Variants in SGCZ observed in about 807,000 individuals in gnomAD.
SGCZ encodes the protein sarcoglycan zeta.
In SGCZ, 40 loss-of-function variants were observed where a neutral mutation model predicts 41.3. That is an observed-to-expected ratio of 0.97 (90% CI 0.75 to 1.26). The LOEUF (loss-of-function observed/expected upper bound fraction) is 1.26. Among genes scored for constraint, SGCZ ranks in the 50% most tolerant of loss-of-function variants. The pLI is 0.00. For synonymous variants in SGCZ, 206 were observed against 137.5 expected (o/e 1.50, Z -3.49); for missense variants, 552 against 369.8 (o/e 1.49, Z -4.04).
intron 2 of SGCZ, among the ~76,000 whole-genome samples, chr8:14,457,796 G>A (rs1800791075): frequency 6.6e-6 from 1 of 152,168 alleles, no homozygotes; most frequent in Non-Finnish European, 1.5e-5. Flanking sequence ...AATTGGAGGT[G>A]ACTCACATTT....
chr8:15,019,114 C>G (rs1041003369), intron 1 of SGCZ, among the ~76,000 whole-genome samples: 1 of 152,208 alleles, frequency 6.6e-6, no homozygotes, highest in Non-Finnish European at 1.5e-5. Flanking sequence ...GCAAGTCCCT[C>G]TCTCAACATG....
At chr8:15,220,471 T>C (rs148392965) in intron 1 of SGCZ, among the ~76,000 whole-genome samples, 1 of 152,116 alleles carries the variant, frequency 6.6e-6, no homozygotes, top group Non-Finnish European at 1.5e-5. Context: ...TTCTAACTGC[T>C]TGGGCAATTC....
chr8:14,866,154 A>G (rs573981868), intron 1 of SGCZ, among the ~76,000 whole-genome samples: 1 of 152,282 alleles, frequency 6.6e-6, no homozygotes, highest in Non-Finnish European at 1.5e-5. Flanking sequence ...GCAAAAAGCA[A>G]TAACAAGTTT....
Position 14,089,445 on chromosome 8 carries a change from G to C in SGCZ, c.*998C>G, listed in dbSNP as rs561203226. On this transcript the variant is annotated 3_prime_UTR_variant, in exon 8 of 8. Coordinates refer to ENST00000382080, the MANE Select transcript of SGCZ (RefSeq NM_139167.4). ...CCAATGGAAAGAGAATTTATTCTCAGCATTATGCATCATATTAGTATTATT... is the reference window on the plus strand; with the variant it reads ...CCAATGGAAAGAGAATTTATTCTCACCATTATGCATCATATTAGTATTATT... Among the ~76,000 whole-genome samples the C allele has an allele frequency of 6.6e-6, 1 of 151,960 alleles. No homozygotes were observed. The highest frequency in any genetic ancestry group is 1.5e-5 in the Non-Finnish European group (1 of 67,936).
At chr8:14,537,334 T>C (rs1371742304) in intron 2 of SGCZ, among the ~76,000 whole-genome samples, 1 of 151,926 alleles carries the variant, frequency 6.6e-6, no homozygotes, top group African/African-American at 2.4e-5. Context: ...TCTGTCTAAA[T>C]ATGACAACCA....
At chr8:14,777,390 C>T (rs1187912636) in intron 1 of SGCZ, among the ~76,000 whole-genome samples, 1 of 152,078 alleles carries the variant, frequency 6.6e-6, no homozygotes, top group Non-Finnish European at 1.5e-5. Flanking sequence ...TTTCTATACA[C>T]TTCAGGTGGG....
At chr8:14,274,252 G>A (rs1388317428) in intron 3 of SGCZ, among the ~76,000 whole-genome samples, 1 of 152,016 alleles carries the variant, frequency 6.6e-6, no homozygotes, top group Non-Finnish European at 1.5e-5. Flanking sequence ...CTTAACAGAA[G>A]GCATATTCTG....
chr8:14,315,124 C>T (rs985940815), intron 3 of SGCZ, among the ~76,000 whole-genome samples: 1 of 152,126 alleles, frequency 6.6e-6, no homozygotes, highest in Non-Finnish European at 1.5e-5. Context: ...GGTTTGAATT[C>T]TGGCTCACCT....
chr8:14,784,913 A>AAAAAAAAAAAAAAAAAATATAT (rs1408574493), intron 1 of SGCZ, among the ~76,000 whole-genome samples: 1 of 88,038 alleles, frequency 1.1e-5, no homozygotes, highest in African/African-American at 4.7e-5. Flanking sequence ...AAAAAAAAAA[A>AAAAAAAAAAAAAAAAAATATAT]ATATATATAT....
chr8:15,126,905 AG>A (rs1563139854), intron 1 of SGCZ, among the ~76,000 whole-genome samples: 1 of 152,160 alleles, frequency 6.6e-6, no homozygotes, highest in Non-Finnish European at 1.5e-5. Context: ...GACTGAGACC[AG>A]GGGGAAGAGA....
At chr8:14,704,030 C>T (rs892269318) in intron 1 of SGCZ, among the ~76,000 whole-genome samples, 6 of 151,962 alleles carry the variant, frequency 3.9e-5, no homozygotes, top group Non-Finnish European at 8.8e-5. Flanking sequence ...AATTAGCCCA[C>T]ATAGCCTCTC....
chr8:14,353,162 G>C (rs753992261), intron 2 of SGCZ, among the ~76,000 whole-genome samples: 8 of 148,216 alleles, frequency 5.4e-5, no homozygotes, highest in Non-Finnish European at 1.0e-4. Context: ...TTCTTCATTT[G>C]CAAAATACCA....
chr8:14,838,037 C>A (rs183773549), intron 1 of SGCZ, among the ~76,000 whole-genome samples: 136 of 152,186 alleles, frequency 8.9e-4, no homozygotes, highest in Non-Finnish European at 1.7e-3. Context: ...CTATCATTTG[C>A]CACGACGTGG....
chr8:15,051,554 G>C (rs887717989), intron 1 of SGCZ, among the ~76,000 whole-genome samples: 7 of 152,048 alleles, frequency 4.6e-5, no homozygotes, highest in Non-Finnish European at 1.0e-4. Context: ...GAGTGCTAGG[G>C]TAGGTGTATG....
At chr8:14,282,503 C>T (rs954843687) in intron 3 of SGCZ, among the ~76,000 whole-genome samples, 1 of 152,140 alleles carries the variant, frequency 6.6e-6, no homozygotes, top group Admixed American at 6.5e-5. Context: ...CTCTCTTCCT[C>T]AGCACCCCTA....
At chr8:14,297,266 A>G (rs1801045183) in intron 3 of SGCZ, among the ~76,000 whole-genome samples, 2 of 152,154 alleles carry the variant, frequency 1.3e-5, no homozygotes, top group Admixed American at 6.6e-5. Context: ...GGATATAGAT[A>G]TAGAAAGCTA....
chr8:14,898,417 C>T (rs375504702), intron 1 of SGCZ, among the ~76,000 whole-genome samples: 26 of 152,242 alleles, frequency 1.7e-4, no homozygotes, highest in African/African-American at 5.1e-4. Flanking sequence ...CGTTGTAAGG[C>T]GGCCTGCTGC....
intron 2 of SGCZ, among the ~76,000 whole-genome samples, chr8:14,377,045 C>G (rs918205827): frequency 6.6e-6 from 1 of 152,136 alleles, no homozygotes; most frequent in Admixed American, 6.5e-5. Context: ...CATATCTGAG[C>G]TCATGATAAG....
At chr8:14,787,060 G>A (rs919883294) in intron 1 of SGCZ, among the ~76,000 whole-genome samples, 10 of 152,012 alleles carry the variant, frequency 6.6e-5, no homozygotes, top group Admixed American at 5.9e-4. Context: ...CTTGGGACTG[G>A]GAATAGCATG....
Sources: allele counts gnomAD v4.1 joint callset (sites outside exome capture counted in the v4.1 genomes callset), GRCh38; gene constraint gnomAD v4.1.1; transcripts MANE v1.5; gene names NCBI Gene and HGNC (gene_info 2026-07-23, HGNC 2026-07-21).